Variants in CUL3 observed in about 807,000 individuals in gnomAD.
CUL3 encodes cullin-3.
Under a neutral mutation model 89.1 loss-of-function variants are expected in CUL3, and 19 were observed. The ratio of observed to expected loss-of-function variants is 0.21; its 90% CI spans 0.15 to 0.31. CUL3 has a LOEUF of 0.31. Among genes scored for constraint, CUL3 ranks in the 10% least tolerant of loss-of-function variants. The pLI is 1.00. For missense variants in CUL3, 469 were observed against 942.3 expected (o/e 0.50, Z 6.58); for synonymous variants, 351 against 308.4 (o/e 1.14, Z -1.45).
At chr2:224,478,604 G>T in intron 14 of CUL3, 1 of 303,530 alleles carries the variant, frequency 3.3e-6, no homozygotes. Flanking sequence ...TTTCTTACCT[G>T]GAAGAAAAAC....
chr2:224,477,395 G>A lies in CUL3; in HGVS notation c.2175+805C>T, dbSNP rs565319993. Among the ~76,000 whole-genome samples the A allele has an allele frequency of 3.9e-5, 6 of 152,202 alleles. No individual in the cohort carries two copies. The South Asian group carries it at 1.0e-3, about 26-fold the overall frequency. ...CTCACTGTTCCTAAAATAAGGGAGGGGTCTATCCCATAGTTCTTTCTTGCT... is the reference window on the plus strand; with the variant it reads ...CTCACTGTTCCTAAAATAAGGGAGGAGTCTATCCCATAGTTCTTTCTTGCT... On this transcript the variant is annotated intron_variant, in intron 15 of 15. Transcript: ENST00000264414.
intron 3 of CUL3, among the ~76,000 whole-genome samples, chr2:224,528,403 G>A (rs1574659870): frequency 1.3e-5 from 2 of 152,274 alleles, no homozygotes; most frequent in Admixed American, 1.3e-4. Context: ...GATTACATCA[G>A]GCCCAGGGGA....
In CUL3 at chr2:224,559,079, C is replaced by T. The variant is rs370175123; in HGVS notation, c.67-1223G>A. ...TCAAAAAAAAAAAGAAAGAAAACTCCTCCCCTTAGTAATCACACATCTAAG... is the reference window on the plus strand; with the variant it reads ...TCAAAAAAAAAAAGAAAGAAAACTCTTCCCCTTAGTAATCACACATCTAAG... On this transcript the variant is annotated intron_variant, in intron 1 of 15. Transcript: ENST00000264414. Among the ~76,000 whole-genome samples, 2 of 151,424 alleles carry T rather than the reference C, an allele frequency of 1.3e-5. 1 individual carries two copies. Among genetic ancestry groups the T allele is most frequent in the South Asian group, 4.2e-4 (2 of 4,790 alleles).
chr2:224,525,438 T>C (rs1693434853), intron 3 of CUL3, among the ~76,000 whole-genome samples: 1 of 152,218 alleles, frequency 6.6e-6, no homozygotes, highest in Non-Finnish European at 1.5e-5. Context: ...AAAATGGAGA[T>C]AACATTCAAC....
rs139996986 is a variant in CUL3, at chr2:224,584,986, C to T, written c.24G>A (p.Thr8=). ...GCATCTTGGTGTCCTTCCGGCTGCC[C>T]GTGCCTTTGCTCAGATTCGACATGG... MSNLSKG[T]GSRKDTKMRI... is the part of the protein sequence containing the mutation. The change falls in exon 1 of 16, where the codon ACG becomes ACA. Residue 8 remains threonine, a synonymous_variant. Coordinates refer to ENST00000264414, the MANE Select transcript of CUL3 (RefSeq NM_003590.5). 1.3e-5 allele frequency: 20 copies of T among 1,508,164 alleles called. No individual in the cohort carries two copies. The highest frequency in any genetic ancestry group is 2.7e-5 in the East Asian group (1 of 37,248). 93.4% of individuals were successfully genotyped at this position (1,508,164 alleles called of 1,614,324 possible). A position where few individuals can be genotyped will look rare whatever the true frequency, so the allele number is the denominator to read the frequency against.
rs761746476 is a variant in CUL3 at position 224,542,544 on chromosome 2, T to TGTGTGC, written c.265-6909_265-6904dup. Reference sequence around the variant, plus strand: ...GTGTGTGTGTGCCAGCACTTCTGGCTGTGTGCGTGTGCGTGTGTGTGTGTG... The same window carrying TGTGTGC: ...GTGTGTGTGTGCCAGCACTTCTGGCTGTGTGCGTGTGCGTGTGCGTGTGTGTGTGTG... On this transcript the variant is annotated intron_variant, in intron 2 of 15. Transcript: ENST00000264414. Among the ~76,000 whole-genome samples the TGTGTGC allele has an allele frequency of 1.8e-3, 267 of 146,540 alleles. 2 individuals are homozygous for TGTGTGC. Among genetic ancestry groups the TGTGTGC allele is most frequent in the Non-Finnish European group, 3.3e-3 (222 of 67,194 alleles).
rs546506109 is a variant in CUL3, at chr2:224,553,162, C to T, written c.264+4497G>A. ...CAGTTAATAGTTCTTTCGATAGTGT[C>T]CCCTTCAATACAGTAGTACTGTGTT... On this transcript the variant is annotated intron_variant, in intron 2 of 15. Coordinates refer to ENST00000264414, the MANE Select transcript of CUL3 (RefSeq NM_003590.5). Among the ~76,000 whole-genome samples the T allele has an allele frequency of 1.9e-4, 29 of 152,260 alleles. 3 individuals carry two copies. The South Asian group carries it at 5.8e-3, about 30-fold the overall frequency.
chr2:224,553,144 T>C (rs1219958120), intron 2 of CUL3, among the ~76,000 whole-genome samples: 3 of 152,254 alleles, frequency 2.0e-5, no homozygotes, highest in African/African-American at 7.2e-5. Context: ...TATCAGTTAA[T>C]AGTTCTTTCG....
At chr2:224,562,225 T>C (rs1283014852) in intron 1 of CUL3, among the ~76,000 whole-genome samples, 1 of 152,082 alleles carries the variant, frequency 6.6e-6, no homozygotes, top group Admixed American at 6.5e-5. Flanking sequence ...CTACACAAGG[T>C]TGTATGTAGT....
intron 1 of CUL3, among the ~76,000 whole-genome samples, chr2:224,578,007 T>C (rs1695348693): frequency 6.6e-6 from 1 of 152,192 alleles, no homozygotes; most frequent in Non-Finnish European, 1.5e-5. Context: ...CAGATAATAG[T>C]AGTATTCAAT....
intron 2 of CUL3, among the ~76,000 whole-genome samples, chr2:224,551,675 A>G (rs1434172640): frequency 6.6e-6 from 1 of 152,138 alleles, no homozygotes; most frequent in African/African-American, 2.4e-5. Flanking sequence ...TTTTACTGGA[A>G]TACTGCCATG....
chr2:224,582,121 C>A (rs1047524861), intron 1 of CUL3, among the ~76,000 whole-genome samples: 3 of 152,104 alleles, frequency 2.0e-5, no homozygotes, highest in African/African-American at 7.2e-5. Context: ...TCCGCCACCA[C>A]GCCCCGCTAA....
chr2:224,515,132 T>A (rs530810561), intron 3 of CUL3, among the ~76,000 whole-genome samples: 1 of 152,218 alleles, frequency 6.6e-6, no homozygotes, highest in Non-Finnish European at 1.5e-5. Flanking sequence ...AATACTGTAG[T>A]TGAAGATCAT....
intron 3 of CUL3, among the ~76,000 whole-genome samples, chr2:224,516,418 G>A (rs1454515897): frequency 6.6e-6 from 1 of 150,654 alleles, no homozygotes; most frequent in African/African-American, 2.4e-5. Context: ...CCGAGTTTAA[G>A]CGATTCTCCT....
intron 4 of CUL3, 84 bp from the exon 5 acceptor site, chr2:224,513,722 T>TA (rs1397259013): frequency 2.2e-6 from 2 of 920,430 alleles, no homozygotes; most frequent in Non-Finnish European, 3.3e-6. Flanking sequence ...TAGGTAAAAA[T>TA]ATCTTCAGGA....
chr2:224,483,997 C>T (rs758710986), intron 13 of CUL3, among the ~76,000 whole-genome samples: 5 of 152,126 alleles, frequency 3.3e-5, no homozygotes, highest in Admixed American at 1.3e-4. Context: ...CAAAATCAGC[C>T]TGGTCAACAT....
chr2:224,511,587 C>T lies in CUL3; in HGVS notation c.655-5G>A, dbSNP rs1417904107. On this transcript the variant is annotated splice_region_variant and splice_polypyrimidine_tract_variant and intron_variant, in intron 5 of 15. Transcript: ENST00000264414. The stretch of plus-strand genomic sequence containing the variant: ...TAAAAATTTCTGGCTTTCCATCTGC[C>T]ATTTAAAAATATATATATTTTTTAA... 1 of 1,476,306 alleles carries T rather than the reference C, an allele frequency of 6.8e-7. No individual in the cohort carries two copies. Among genetic ancestry groups the T allele is most frequent in the African/African-American group, 1.4e-5 (1 of 70,342 alleles). The allele number at this position is 1,476,306 out of a possible 1,614,324, so 91.5% of individuals were successfully genotyped here. A position where few individuals can be genotyped will look rare whatever the true frequency, so the allele number is the denominator to read the frequency against.
chr2:224,548,463 A>G (rs1694387311), intron 2 of CUL3, among the ~76,000 whole-genome samples: 1 of 152,234 alleles, frequency 6.6e-6, no homozygotes, highest in Non-Finnish European at 1.5e-5. Context: ...AACTAAAAAG[A>G]TAAGTTAATT....
intron 6 of CUL3, among the ~76,000 whole-genome samples, chr2:224,509,568 G>T (rs1458366709): frequency 6.6e-6 from 1 of 152,206 alleles, no homozygotes; most frequent in Non-Finnish European, 1.5e-5. Context: ...CTACTGTGTT[G>T]TTGGAAACCT....
Sources: gnomAD v4.1 joint callset for allele counts (sites outside exome capture counted in the v4.1 genomes callset) on GRCh38, gnomAD v4.1.1 for gene constraint, MANE v1.5 for transcripts, NCBI Gene and HGNC (gene_info 2026-07-23, HGNC 2026-07-21) for gene names.